The following KIAA1549L variants were observed in gnomAD, a reference collection of about 807,000 sequenced individuals.
KIAA1549L encodes UPF0606 protein KIAA1549L.
KIAA1549L carries 88 observed loss-of-function variants against 160.7 expected under a neutral mutation model. The observed-to-expected ratio is 0.55, with a 90% CI of 0.46 to 0.65. The LOEUF is 0.65. KIAA1549L is among the 30% of genes least tolerant of loss of function. The pLI, the probability that KIAA1549L is intolerant of heterozygous loss-of-function variation, is 0.00. For synonymous variants in KIAA1549L, 950 were observed against 976.7 expected, an observed-to-expected ratio of 0.97 and a Z score of 0.51; for missense variants, 2,258 against 2,437.5, an observed-to-expected ratio of 0.93 and a Z score of 1.55.
At chr11:33,642,943 G>A (rs963503177) in intron 16 of KIAA1549L, among the ~76,000 whole-genome samples, 1 of 152,166 alleles carries the variant, frequency 6.6e-6, no homozygotes, top group Admixed American at 6.5e-5. Context: ...GAGAAACAGA[G>A]GTGAAATGGG....
At chr11:33,569,631 T>C (rs756189177) in intron 9 of KIAA1549L, among the ~76,000 whole-genome samples, 16 of 152,228 alleles carry the variant, frequency 1.1e-4, no homozygotes, top group Non-Finnish European at 2.2e-4. Context: ...GTCATCATCA[T>C]GCCCCTGATG....
At chr11:33,417,434 G>A (rs1296216356) in intron 1 of KIAA1549L, among the ~76,000 whole-genome samples, 1 of 152,124 alleles carries the variant, frequency 6.6e-6, no homozygotes, top group Non-Finnish European at 1.5e-5. Context: ...TAAAGGTGCT[G>A]GTTATCACCT....
chr11:33,635,948 G>T (rs192968137), intron 16 of KIAA1549L, among the ~76,000 whole-genome samples: 1 of 152,312 alleles, frequency 6.6e-6, no homozygotes, highest in African/African-American at 2.4e-5. Context: ...TATTAAATGG[G>T]AAATTCCAAA....
intron 16 of KIAA1549L, among the ~76,000 whole-genome samples, chr11:33,633,174 T>TTTTTTTTTTTTTTTTG: frequency 7.1e-6 from 1 of 140,598 alleles, no homozygotes. Context: ...TTTTTTTGTA[T>TTTTTTTTTTTTTTTTG]TTTTAGTAGA....
intron 10 of KIAA1549L, among the ~76,000 whole-genome samples, chr11:33,580,086 A>T (rs1349000832): frequency 1.3e-5 from 2 of 152,204 alleles, no homozygotes; most frequent in African/African-American, 4.8e-5. Context: ...GACTCACCCC[A>T]TCACCTCTGG....
At chr11:33,521,307 T>C (rs948234769) in intron 1 of KIAA1549L, among the ~76,000 whole-genome samples, 10 of 152,248 alleles carry the variant, frequency 6.6e-5, no homozygotes, top group Non-Finnish European at 1.3e-4. Context: ...ATGTAGACTC[T>C]GGGGCCAGAC....
rs758114979 is a variant in KIAA1549L at position 33,544,325 on chromosome 11, A to G, written c.2762A>G (p.Lys921Arg). The change falls in exon 2 of 21, where the codon AAG becomes AGG. Residue 921 changes from lysine (K) to arginine (R), a missense_variant. Coordinates refer to ENST00000658780, the MANE Select transcript of KIAA1549L (RefSeq NM_012194.3). ...GTGCTGCGGGCTTCTCAGCACCCCA[A>G]GAAATGGACAGGTGCAGCCACTAAT... ...SRVLRASQHP[K>R]KWTADTVSSK... The G allele has an allele frequency of 1.2e-6, 2 of 1,613,888 alleles. No homozygotes were observed. The highest frequency in any genetic ancestry group is 1.1e-5 in the South Asian group (1 of 91,064).
In KIAA1549L at chr11:33,480,504, G is replaced by A. The variant is rs545369206; in HGVS notation, c.239-61298G>A. Among the ~76,000 whole-genome samples, 259 of 152,288 alleles carry A rather than the reference G, an allele frequency of 1.7e-3. 2 individuals carry two copies. Among genetic ancestry groups the A allele is most frequent in the African/African-American group, 6.1e-3 (253 of 41,552 alleles). On this transcript the variant is annotated intron_variant, in intron 1 of 20. Coordinates refer to ENST00000658780, the MANE Select transcript of KIAA1549L (RefSeq NM_012194.3). Reference sequence around the variant, plus strand: ...CTCGTGTACAAGTTTTTGTGTGGATGGATGTTTTCATTTCTCTTTGGTGTA... The same window carrying A: ...CTCGTGTACAAGTTTTTGTGTGGATAGATGTTTTCATTTCTCTTTGGTGTA...
At chr11:33,476,294 T>C (rs1028411433) in intron 1 of KIAA1549L, among the ~76,000 whole-genome samples, 8 of 152,086 alleles carry the variant, frequency 5.3e-5, no homozygotes, top group African/African-American at 1.7e-4. Flanking sequence ...TGTGTGCTCA[T>C]TGGCGAAGCT....
intron 1 of KIAA1549L, among the ~76,000 whole-genome samples, chr11:33,528,533 T>A (rs983130962): frequency 6.6e-6 from 1 of 152,234 alleles, no homozygotes; most frequent in African/African-American, 2.4e-5. Context: ...ACATGCATGT[T>A]TATAGCAGCA....
chr11:33,642,083 A>G (rs1369108243), intron 16 of KIAA1549L, among the ~76,000 whole-genome samples: 1 of 152,142 alleles, frequency 6.6e-6, no homozygotes, highest in East Asian at 1.9e-4. Flanking sequence ...TCATGAGTAG[A>G]TGTCAGATTC....
At chr11:33,435,928 T>G (rs1288980628) in intron 1 of KIAA1549L, among the ~76,000 whole-genome samples, 1 of 141,658 alleles carries the variant, frequency 7.1e-6, no homozygotes, top group Non-Finnish European at 1.5e-5. Flanking sequence ...GTTCCACATT[T>G]GTGGATTCAA....
chr11:33,543,082 T>G lies in KIAA1549L; in HGVS notation c.1519T>G (p.Phe507Val). 6.2e-7 allele frequency: 1 copy of G among 1,613,882 alleles called. No homozygotes were observed. The highest frequency in any genetic ancestry group is 1.3e-5 in the African/African-American group (1 of 75,058). ...GTADFPSILT[F>V]LQPTENHASP... The stretch of plus-strand genomic sequence containing the variant: ...AGCCGACTTTCCCTCCATACTTACT[T>G]TCCTCCAGCCCACAGAGAATCATGC... Residue 507 changes from phenylalanine (F) to valine (V), a missense_variant, in exon 2 of 21, where the codon TTC (phenylalanine) becomes GTC (valine). Physicochemically the swap from Phe to Val is conservative, Grantham distance 50. This residue lies in a region of KIAA1549L where 540 missense variants were observed against 465.7 expected (regional missense o/e 1.16). Coordinates refer to ENST00000658780, the MANE Select transcript of KIAA1549L (RefSeq NM_012194.3).
At chr11:33,489,930 G>A (rs1313942440) in intron 1 of KIAA1549L, among the ~76,000 whole-genome samples, 1 of 152,190 alleles carries the variant, frequency 6.6e-6, no homozygotes, top group Non-Finnish European at 1.5e-5. Context: ...TCTAGAAAAT[G>A]TATAACCATT....
intron 1 of KIAA1549L, among the ~76,000 whole-genome samples, chr11:33,501,024 C>G (rs966287320): frequency 1.3e-5 from 2 of 152,092 alleles, no homozygotes; most frequent in Non-Finnish European, 2.9e-5. Context: ...ACATACTCCT[C>G]CAATCCACTT....
intron 1 of KIAA1549L, among the ~76,000 whole-genome samples, chr11:33,525,493 A>G (rs1262484294): frequency 6.6e-6 from 1 of 151,668 alleles, no homozygotes; most frequent in Non-Finnish European, 1.5e-5. Flanking sequence ...GGCAGCCAGC[A>G]GAATTAGAGA....
At chr11:33,478,790 G>C (rs111974123) in intron 1 of KIAA1549L, among the ~76,000 whole-genome samples, 1 of 152,072 alleles carries the variant, frequency 6.6e-6, no homozygotes, top group Non-Finnish European at 1.5e-5. Flanking sequence ...AGGCTGGAGC[G>C]CAGTGGCACG....
intron 15 of KIAA1549L, among the ~76,000 whole-genome samples, chr11:33,614,375 C>T (rs1850723789): frequency 1.3e-5 from 2 of 150,348 alleles, no homozygotes; most frequent in African/African-American, 4.9e-5. Flanking sequence ...CACCCTGAGT[C>T]ACTGTCTGTC....
In KIAA1549L at chr11:33,668,071, A is replaced by T; in HGVS notation, c.6358A>T (p.Thr2120Ser). 1 of 1,613,600 alleles carries T rather than the reference A, an allele frequency of 6.2e-7. No homozygotes were observed. The highest frequency in any genetic ancestry group is 8.5e-7 in the Non-Finnish European group (1 of 1,179,592). ...TGACGCTCCCCTGACCAACATCTCC[A>T]CTGCGGCCCTTGTGAAGGCCATCCG... ...PSDAPLTNIS[T>S]AALVKAIREE... Residue 2120 changes from threonine (T) to serine (S), a missense_variant, in exon 21 of 21, where the codon ACT becomes TCT. Transcript: ENST00000658780.
Sources: allele counts gnomAD v4.1 joint callset (sites outside exome capture counted in the v4.1 genomes callset), GRCh38; gene constraint gnomAD v4.1.1; regional missense constraint gnomAD v4.1.1; transcripts MANE v1.5; gene names NCBI Gene and HGNC (gene_info 2026-07-23, HGNC 2026-07-21).